The following MBP variants were observed in gnomAD, a reference collection of about 807,000 sequenced individuals.
MBP encodes Golli-MBP.
A neutral mutation model predicts 35.8 loss-of-function variants in MBP; 16 were observed. That is an observed-to-expected ratio of 0.45 (90% confidence interval 0.30 to 0.68). The LOEUF is 0.68. Ranked by LOEUF, MBP falls within the 30% of genes least tolerant of loss-of-function variation. MBP has a pLI of 0.08. For missense variants in MBP, 380 were observed against 404.7 expected (o/e 0.94, Z 0.52); for synonymous variants, 143 against 159.6 (o/e 0.90, Z 0.78).
chr18:77,082,563 T>C (rs552486556), intron 2 of MBP, among the ~76,000 whole-genome samples: 2 of 152,328 alleles, frequency 1.3e-5, no homozygotes, highest in Admixed American at 1.3e-4. Flanking sequence ...ATCCTGTGAA[T>C]GTACTGAAAG....
chr18:77,037,766 T>TCC (rs773754043), intron 3 of MBP, among the ~76,000 whole-genome samples: 1 of 151,986 alleles, frequency 6.6e-6, no homozygotes, highest in Non-Finnish European at 1.5e-5. Context: ...GCGCCTGGAG[T>TCC]ACATCGCTGC....
At chr18:77,009,997 G>T in intron 4 of MBP, 2 of 1,073,134 alleles carry the variant, frequency 1.9e-6, no homozygotes, top group South Asian at 1.3e-5. Flanking sequence ...AAGTCCTCCA[G>T]CAAATCTCCT....
intron 2 of MBP, 103 bp from the exon 3 acceptor site, chr18:77,066,488 T>TGGG: frequency 1.2e-6 from 1 of 825,516 alleles, no homozygotes; most frequent in South Asian, 1.4e-5. Context: ...TATCAGATAA[T>TGGG]CAGTTTCACA....
chr18:77,056,439 C>T lies in MBP; in HGVS notation c.139+9859G>A, dbSNP rs1299467817. Among the ~76,000 whole-genome samples, 3 of 152,318 alleles carry T rather than the reference C, an allele frequency of 2.0e-5. No homozygotes were observed. In the East Asian group the frequency reaches 5.8e-4, roughly 29 times the overall value. ...CTGGCCTCTTGCTCAGTTCACTGCC[C>T]AGCTTTGTCTTCTCGAAGGACCCAG... is the stretch of plus-strand genomic sequence containing the variant. On this transcript the variant is annotated intron_variant, in intron 3 of 8. Coordinates refer to ENST00000355994, the MANE Select transcript of MBP (RefSeq NM_001025101.2).
intron 2 of MBP, among the ~76,000 whole-genome samples, chr18:77,091,515 G>GCTGA (rs1289923319): frequency 1.3e-5 from 2 of 152,084 alleles, no homozygotes; most frequent in African/African-American, 4.8e-5. Flanking sequence ...CAGAGCTAGG[G>GCTGA]CTGAGTGCGG....
intron 4 of MBP, among the ~76,000 whole-genome samples, chr18:77,001,301 T>C (rs1443305054): frequency 6.6e-6 from 1 of 152,234 alleles, no homozygotes; most frequent in African/African-American, 2.4e-5. Flanking sequence ...CCCGCGTTTC[T>C]CTTCCAGAGG....
At chr18:77,097,447 G>C (rs145809869) in intron 2 of MBP, 7 of 152,166 alleles carry the variant, frequency 4.6e-5, no homozygotes, top group African/African-American at 1.4e-4. Flanking sequence ...ACTCTTTTCC[G>C]CAGGATGTTG....
At chr18:76,990,840 G>A (rs891063285) in intron 4 of MBP, 3 of 262,892 alleles carry the variant, frequency 1.1e-5, no homozygotes, top group African/African-American at 2.3e-5. Context: ...GGGCAGCTAC[G>A]GGCTGGCAGC....
chr18:77,094,329 G>A (rs1387584177), intron 2 of MBP, among the ~76,000 whole-genome samples: 1 of 152,090 alleles, frequency 6.6e-6, no homozygotes, highest in East Asian at 1.9e-4. Context: ...CTCTCTTTAG[G>A]AGCTCACTGA....
At chr18:77,017,815 A>G (rs1241149757) in intron 3 of MBP, 2 of 152,268 alleles carry the variant, frequency 1.3e-5, no homozygotes, top group Non-Finnish European at 2.9e-5. Context: ...CTCTCACAAT[A>G]GAGAACTGCT....
At chr18:77,038,600 C>T (rs1380754696) in intron 3 of MBP, among the ~76,000 whole-genome samples, 2 of 152,234 alleles carry the variant, frequency 1.3e-5, no homozygotes, top group African/African-American at 4.8e-5. Context: ...GTCTCTCCTA[C>T]ATTTCCAGCA....
At chr18:77,077,940 C>T (rs754219745) in intron 2 of MBP, among the ~76,000 whole-genome samples, 9 of 152,248 alleles carry the variant, frequency 5.9e-5, no homozygotes, top group Non-Finnish European at 1.0e-4. Context: ...GGTAATGGAA[C>T]CATCCCTGTG....
At chr18:77,053,657 A>G (rs1973603841) in intron 3 of MBP, among the ~76,000 whole-genome samples, 1 of 152,254 alleles carries the variant, frequency 6.6e-6, no homozygotes, top group Non-Finnish European at 1.5e-5. Context: ...GGAAGAGTTC[A>G]GGCCTCAGGC....
chr18:77,060,435 T>C (rs7243285), intron 3 of MBP, among the ~76,000 whole-genome samples: 56,100 of 143,080 alleles, frequency 0.39, 13,603 homozygotes, highest in African/African-American at 0.7. Context: ...TATAACTGTT[T>C]TCTCTCTCTC....
At chr18:77,008,135 G>A (rs1001122587) in intron 4 of MBP, among the ~76,000 whole-genome samples, 2 of 152,120 alleles carry the variant, frequency 1.3e-5, no homozygotes, top group Admixed American at 6.5e-5. Context: ...ACCTGCCAGC[G>A]CGTCACACAC....
chr18:77,016,880 C>T lies in MBP; in HGVS notation c.528G>A (p.Gly176=). The part of the protein sequence containing the change: ...HRDTGILDSI[G]RFFGGDRGAP... ...CACCCCTGTCACCGCCAAAGAAGCG[C>T]CCGATGGAGTCAAGGATGCCCGTGT... Residue 176 remains glycine, a synonymous_variant, in exon 4 of 9, where the codon GGG becomes GGA. Transcript: ENST00000355994. 2 of 1,614,246 alleles carry T rather than the reference C, an allele frequency of 1.2e-6. No individual in the cohort carries two copies. The highest frequency in any genetic ancestry group is 1.7e-6 in the Non-Finnish European group (2 of 1,180,052).
At chr18:77,069,904 C>T (rs969994134) in intron 2 of MBP, among the ~76,000 whole-genome samples, 9 of 152,302 alleles carry the variant, frequency 5.9e-5, no homozygotes, top group Admixed American at 5.2e-4. Flanking sequence ...CTTCTCAACT[C>T]AGTTCTCTGA....
At chr18:77,059,037 GA>G (rs1322255405) in intron 3 of MBP, among the ~76,000 whole-genome samples, 1 of 152,160 alleles carries the variant, frequency 6.6e-6, no homozygotes, top group Non-Finnish European at 1.5e-5. Flanking sequence ...TCAGCCACGG[GA>G]AGGGCAGTTC....
intron 4 of MBP, chr18:77,003,573 G>C (rs1970751317): frequency 6.6e-6 from 1 of 152,142 alleles, no homozygotes; most frequent in Non-Finnish European, 1.5e-5. Context: ...AGAAGATAGT[G>C]GTGTCACTGT....
Sources: gnomAD v4.1 joint callset for allele counts (sites outside exome capture counted in the v4.1 genomes callset) on GRCh38, gnomAD v4.1.1 for gene constraint, MANE v1.5 for transcripts, NCBI Gene and HGNC (gene_info 2026-07-23, HGNC 2026-07-21) for gene names.